Variants in EIF4E3 observed in about 807,000 individuals in gnomAD.
EIF4E3 encodes eukaryotic translation initiation factor 4E family member 3.
Under a neutral mutation model 31.7 loss-of-function variants are expected in EIF4E3, and 26 were observed. The observed-to-expected ratio is 0.82, with a 90% CI of 0.60 to 1.14. EIF4E3 has a LOEUF of 1.14. Among genes scored for constraint, EIF4E3 ranks in the 50% most tolerant of loss-of-function variants. The pLI is 0.00. For synonymous variants in EIF4E3, 128 were observed against 107.7 expected, an observed-to-expected ratio of 1.19 and a Z score of -1.17; for missense variants, 304 against 270.9, an observed-to-expected ratio of 1.12 and a Z score of -0.86.
chr3:71,743,519 G>C lies in EIF4E3; in HGVS notation c.-291+9944C>G, dbSNP rs550661476. On this transcript the variant is annotated intron_variant, in intron 1 of 7. Coordinates refer to the EIF4E3 transcript ENST00000295612. ...AAGAGATACACCTTTTTTGTGTATA[G>C]GAGAGTATTGTTAAGATGTCAATTC... 2.5e-3 allele frequency among the ~76,000 whole-genome samples: 383 copies of C among 152,162 alleles called. 4 individuals carry two copies. The highest frequency in any genetic ancestry group is 9.0e-3 in the African/African-American group (374 of 41,544).
intron 1 of EIF4E3, among the ~76,000 whole-genome samples, chr3:71,747,309 G>C (rs759474427): frequency 1.3e-5 from 2 of 152,122 alleles, no homozygotes; most frequent in Non-Finnish European, 2.9e-5. Flanking sequence ...CTACATTTTT[G>C]ATAATAGCCA....
At chr3:71,698,335 A>T (rs1041083685) in intron 3 of EIF4E3, among the ~76,000 whole-genome samples, 1 of 152,336 alleles carries the variant, frequency 6.6e-6, no homozygotes, top group Non-Finnish European at 1.5e-5. Flanking sequence ...TACAGCTGCC[A>T]CAAGGGAAGG....
rs577384109 is a variant in EIF4E3, at chr3:71,738,289, C to A, written c.-290-9666G>T. Among the ~76,000 whole-genome samples, 3 of 152,308 alleles carry A rather than the reference C, an allele frequency of 2.0e-5. No homozygotes were observed. In the East Asian group the frequency reaches 5.8e-4, roughly 29 times the overall value. On this transcript the variant is annotated intron_variant, in intron 1 of 7. Coordinates refer to the EIF4E3 transcript ENST00000295612. The stretch of plus-strand genomic sequence containing the variant: ...AACAGAAAAAACTGTGATCCTTCCC[C>A]TACCTAAGCCAGCAAGGCCAAGTGA...
At chr3:71,725,415 G>C (rs895614307), upstream of EIF4E3, 1 of 973,682 alleles carries the variant, frequency 1.0e-6, no homozygotes, top group African/African-American at 1.8e-5. This position sits in a 1 kb window ranked among gnomAD's most constrained non-coding sequence, Gnocchi z 6.1. Context: ...ACCGCGGGGC[G>C]AGCGCGGCTG....
the EIF4E3 span, among the ~76,000 whole-genome samples, chr3:71,668,105 C>G: frequency 6.6e-6 from 1 of 152,176 alleles, no homozygotes; most frequent in African/African-American, 2.4e-5. Flanking sequence ...CACCACACAT[C>G]TATAGCTATC....
chr3:71,725,177 C>T lies in EIF4E3; in HGVS notation c.176+15G>A. The T allele has an allele frequency of 1.8e-6, 2 of 1,084,538 alleles. No individual in the cohort carries two copies. The highest frequency in any genetic ancestry group is 2.2e-6 in the Non-Finnish European group (2 of 896,546). 67.2% of individuals were successfully genotyped at this position (1,084,538 alleles called of 1,614,324 possible). On this transcript the variant is annotated intron_variant, in intron 1 of 6. Transcript: ENST00000425534. The surrounding 1 kb of genome is among the most constrained non-coding windows in gnomAD (Gnocchi z 6.1). ...CGGGTCGGGGCCGTGCGCGGCGGGC[C>T]CCGCGCCCCCTCACCTGTCGAGCCA...
chr3:71,713,108 TG>T (rs1379935968), intron 1 of EIF4E3, among the ~76,000 whole-genome samples: 3 of 152,158 alleles, frequency 2.0e-5, no homozygotes, highest in African/African-American at 7.2e-5. Context: ...GTGACTAACA[TG>T]TAAGTGCCGA....
At chr3:71,749,514 A>C (rs1164876137) in intron 1 of EIF4E3, among the ~76,000 whole-genome samples, 1 of 152,210 alleles carries the variant, frequency 6.6e-6, no homozygotes, top group Non-Finnish European at 1.5e-5. Context: ...TTGGCAGGTG[A>C]CTGGCCAGAA....
rs904611331 is a variant in EIF4E3, at chr3:71,679,027, C to T, written c.*5655G>A. Reference sequence around the variant, plus strand: ...TAAAAACAAAAACAATGGTTGTAAGCCACATTATCTGATTAAAGTCTGAGA... The same window carrying T: ...TAAAAACAAAAACAATGGTTGTAAGTCACATTATCTGATTAAAGTCTGAGA... On this transcript the variant is annotated 3_prime_UTR_variant, in exon 7 of 7. Coordinates refer to ENST00000425534, the MANE Select transcript of EIF4E3 (RefSeq NM_001134651.2). 3.3e-5 allele frequency: 5 copies of T among 152,056 alleles called. No individual in the cohort carries two copies. Among genetic ancestry groups the T allele is most frequent in the African/African-American group, 4.8e-5 (2 of 41,400 alleles). 9.4% of individuals were successfully genotyped at this position (152,056 alleles called of 1,614,324 possible). A position where few individuals can be genotyped will look rare whatever the true frequency, so the allele number is the denominator to read the frequency against.
chr3:71,738,759 C>T (rs1325786253), intron 1 of EIF4E3, among the ~76,000 whole-genome samples: 1 of 151,864 alleles, frequency 6.6e-6, no homozygotes, highest in African/African-American at 2.4e-5. Context: ...CTAGACAGAA[C>T]ATCAGCAAGG....
the EIF4E3 span, among the ~76,000 whole-genome samples, chr3:71,666,825 G>T: frequency 6.6e-6 from 1 of 152,056 alleles, no homozygotes; most frequent in African/African-American, 2.4e-5. Context: ...TGTAGTCCAG[G>T]CTACCCAGAA....
chr3:71,714,305 C>G (rs2321976), intron 1 of EIF4E3, among the ~76,000 whole-genome samples: 6,866 of 89,874 alleles, frequency 0.076, 222 homozygotes, highest in East Asian at 0.2. Flanking sequence ...AAGGAAGGAA[C>G]GAAAGAAAGG....
intron 1 of EIF4E3, among the ~76,000 whole-genome samples, chr3:71,744,411 A>T (rs925835648): frequency 2.0e-5 from 3 of 152,210 alleles, no homozygotes. Flanking sequence ...AGTATGAAGA[A>T]GGTAAAGTAA....
chr3:71,736,674 G>A (rs1044562146), intron 1 of EIF4E3, among the ~76,000 whole-genome samples: 2 of 152,178 alleles, frequency 1.3e-5, no homozygotes, highest in East Asian at 1.9e-4. Context: ...ATGAATAGGC[G>A]GAGCAAAGAT....
At chr3:71,704,820 A>C (rs2049267071) in intron 2 of EIF4E3, among the ~76,000 whole-genome samples, 1 of 152,196 alleles carries the variant, frequency 6.6e-6, no homozygotes, top group Admixed American at 6.5e-5. Context: ...AATTACTTTT[A>C]ATTAACAAGG....
At chr3:71,673,024 T>TCA (rs2048854899), downstream of EIF4E3, among the ~76,000 whole-genome samples, 1 of 152,182 alleles carries the variant, frequency 6.6e-6, no homozygotes, top group Non-Finnish European at 1.5e-5. Flanking sequence ...TGTCAGCACG[T>TCA]GCTTCTGGAA....
At chr3:71,696,622 C>A in intron 3 of EIF4E3, 102 bp from the exon 4 acceptor site, 1 of 1,337,996 alleles carries the variant, frequency 7.5e-7, no homozygotes, top group Admixed American at 2.1e-5. Context: ...CAACAGATGA[C>A]CTTAAAAACA....
At chr3:71,696,926 G>A (rs1401055481) in intron 3 of EIF4E3, among the ~76,000 whole-genome samples, 5 of 151,832 alleles carry the variant, frequency 3.3e-5, no homozygotes. Flanking sequence ...CACTGTGTTA[G>A]CCAGGATGGT....
At chr3:71,660,714 A>C in the EIF4E3 span, among the ~76,000 whole-genome samples, 11 of 152,220 alleles carry the variant, frequency 7.2e-5, no homozygotes, top group Non-Finnish European at 1.3e-4. Flanking sequence ...TCTCTGTTGT[A>C]AATGGGCAGT....
Sources: gnomAD v4.1 joint callset for allele counts (sites outside exome capture counted in the v4.1 genomes callset) on GRCh38, gnomAD v4.1.1 for gene constraint, Gnocchi (gnomAD v3.1) non-coding constraint, MANE v1.5 for transcripts, NCBI Gene and HGNC (gene_info 2026-07-23, HGNC 2026-07-21) for gene names.